The following FHDC1 variants were observed in gnomAD, a reference collection of about 807,000 sequenced individuals.
FHDC1 encodes FH2 domain-containing protein 1.
A neutral mutation model predicts 52.6 loss-of-function variants in FHDC1; 25 were observed. The ratio of observed to expected loss-of-function variants is 0.48; its 90% CI spans 0.35 to 0.66. The LOEUF (loss-of-function observed/expected upper bound fraction) is 0.66, where lower values mean the gene tolerates loss of function less well. Among genes scored for constraint, FHDC1 ranks in the 30% least tolerant of loss-of-function variants. FHDC1 has a pLI of 0.01. For synonymous variants in FHDC1, 616 were observed against 581.5 expected, an observed-to-expected ratio of 1.06 and a Z score of -0.85; for missense variants, 1,459 against 1,452.8, an observed-to-expected ratio of 1.00 and a Z score of -0.07.
chr4:152,976,290 A>G lies in FHDC1; in HGVS notation c.2999A>G (p.Asn1000Ser), dbSNP rs1740879456. The change falls in exon 12 of 12, where the codon AAT becomes AGT. Residue 1000 changes from asparagine to serine, a missense_variant. Transcript: ENST00000511601. Reference protein sequence around the residue: ...RNLPRQKPEENKTCRAHSEGP... With the variant: ...RNLPRQKPEESKTCRAHSEGP... ...CTCCCCAGACAGAAGCCTGAGGAAA[A>G]TAAGACCTGCCGCGCCCACTCCGAG... The G allele has an allele frequency of 6.2e-7, 1 of 1,613,374 alleles. No homozygotes were observed. Among genetic ancestry groups the G allele is most frequent in the South Asian group, 1.1e-5 (1 of 91,078 alleles).
chr4:152,954,748 C>A (rs896190726), intron 4 of FHDC1, among the ~76,000 whole-genome samples: 1 of 152,024 alleles, frequency 6.6e-6, no homozygotes, highest in Non-Finnish European at 1.5e-5. Context: ...CACTCTCCTA[C>A]CCAGAGCCAG....
chr4:152,927,185 C>G, the FHDC1 span, among the ~76,000 whole-genome samples: 1 of 152,266 alleles, frequency 6.6e-6, no homozygotes, highest in Non-Finnish European at 1.5e-5. Context: ...AACTTTAGAT[C>G]TCGACCAAGT....
intron 8 of FHDC1, 40 bp downstream of exon 8, chr4:152,963,170 T>A: frequency 1.3e-6 from 2 of 1,556,922 alleles, no homozygotes; most frequent in Non-Finnish European, 1.8e-6. Context: ...CGCATATGAA[T>A]ACCCCTTGGA....
At chr4:152,939,939 G>A (rs1010953873) in intron 1 of FHDC1, among the ~76,000 whole-genome samples, 2 of 152,204 alleles carry the variant, frequency 1.3e-5, no homozygotes, top group Non-Finnish European at 2.9e-5. Flanking sequence ...GTCCCTACTG[G>A]CAGTTGTCAG....
chr4:152,969,674 T>G (rs1740578264), intron 10 of FHDC1, among the ~76,000 whole-genome samples: 1 of 151,144 alleles, frequency 6.6e-6, no homozygotes, highest in East Asian at 1.9e-4. Context: ...CGTTTTTTTT[T>G]TTTTTTTTTT....
At position 152,943,698 on chromosome 4, in the gene FHDC1, G is replaced by A. The variant is rs892343138; in HGVS notation, c.498+143G>A. 60 of 1,011,070 alleles carry A rather than the reference G, an allele frequency of 5.9e-5. 1 individual carries two copies. The highest frequency in any genetic ancestry group is 5.8e-4 in the South Asian group (34 of 58,452). 62.6% of individuals were successfully genotyped at this position (1,011,070 alleles called of 1,614,324 possible). On this transcript the variant is annotated intron_variant, in intron 2 of 11. Transcript: ENST00000511601. ...ATCTGCCTTGGAAATGCTAGGCAGG[G>A]TCTTTACGATGAGCTTGAGCTGAGT...
Position 152,974,846 on chromosome 4 carries a change from C to T in FHDC1, c.1555C>T (p.Leu519=), listed in dbSNP as rs1160992555. Residue 519 remains leucine (L), a synonymous_variant, in exon 12 of 12, where the codon CTG becomes TTG. Transcript: ENST00000511601. ...GGGTGCAGAGGGCCTGCTCCCTTTCCTGCACCCCAGGCCCATCAGCCCCTC... is the reference window on the plus strand; with the variant it reads ...GGGTGCAGAGGGCCTGCTCCCTTTCTTGCACCCCAGGCCCATCAGCCCCTC... ...KKGAEGLLPF[L]HPRPISPSSP... is the part of the protein sequence containing the mutation. The T allele has an allele frequency of 3.1e-6, 5 of 1,600,742 alleles. No homozygotes were observed. The South Asian group carries it at 4.4e-5, about 14-fold the overall frequency.
chr4:152,943,786 T>C (rs1739649332), intron 2 of FHDC1, among the ~76,000 whole-genome samples: 1 of 152,204 alleles, frequency 6.6e-6, no homozygotes, highest in South Asian at 2.1e-4. Context: ...GATTATGACC[T>C]CATGCAGAGA....
In FHDC1 at chr4:152,960,767, T is replaced by C; in HGVS notation, c.773T>C (p.Met258Thr). The change falls in exon 6 of 12, where the codon ATG (methionine) becomes ACG (threonine). Residue 258 changes from methionine to threonine, a missense_variant. Transcript: ENST00000511601. ...VPNYSLRIEA[M>T]VLKKEFLPSC... The stretch of plus-strand genomic sequence containing the variant: ...AGCTATTCACTTCGGATTGAAGCCA[T>C]GGTGCTAAAGAAGGAATTTCTACCT... The C allele has an allele frequency of 3.7e-6, 6 of 1,613,374 alleles. No homozygotes were observed. The highest frequency in any genetic ancestry group is 5.1e-6 in the Non-Finnish European group (6 of 1,179,864).
the FHDC1 span, among the ~76,000 whole-genome samples, chr4:152,915,458 T>G: frequency 6.6e-6 from 1 of 152,244 alleles, no homozygotes; most frequent in Non-Finnish European, 1.5e-5. Flanking sequence ...TATAAAAATT[T>G]GTTTTTTTGA....
At chr4:152,934,513 G>C (rs993838273), upstream of FHDC1, among the ~76,000 whole-genome samples, 3 of 152,150 alleles carry the variant, frequency 2.0e-5, no homozygotes, top group Non-Finnish European at 4.4e-5. Flanking sequence ...TACATGTCTA[G>C]TATTATGTTT....
rs1477545213 is a variant in FHDC1, at chr4:152,943,279, T to G, written c.222T>G (p.Pro74=). 4.4e-6 allele frequency: 2 copies of G among 454,976 alleles called. No homozygotes were observed. Among genetic ancestry groups the G allele is most frequent in the African/African-American group, 8.5e-5 (1 of 11,774 alleles). 28.2% of individuals were successfully genotyped at this position (454,976 alleles called of 1,614,324 possible). The change falls in exon 2 of 12, where the codon CCT becomes CCG. Residue 74 remains proline (P), a synonymous_variant. Coordinates refer to ENST00000511601, the MANE Select transcript of FHDC1 (RefSeq NM_001371116.1). Reference sequence around the variant, plus strand: ...TTCCTGGGGAGCCTCCCATCCCACCTCCCCCACCAGGCCTACCCCCAACTA... The same window carrying G: ...TTCCTGGGGAGCCTCCCATCCCACCGCCCCCACCAGGCCTACCCCCAACTA... ...PPLPGEPPIP[P]PPPGLPPTTH...
upstream of FHDC1, among the ~76,000 whole-genome samples, chr4:152,932,401 CA>C (rs58456339): frequency 0.039 from 5,625 of 145,152 alleles, 151 homozygotes; most frequent in East Asian, 0.08. Context: ...GACTCTATCT[CA>C]AAAAAAAAAA....
At position 152,943,181 on chromosome 4, in the gene FHDC1, C is replaced by A. The variant is rs147179268; in HGVS notation, c.124C>A (p.Pro42Thr). ...PAPPPPPPPPPPSPPCSCSRE... is the reference protein window; with the variant it reads ...PAPPPPPPPPTPSPPCSCSRE... ...ACCTCCTCCACCTCCTCCTCCACCC[C>A]CTCCATCTCCACCATGTTCATGTTC... Residue 42 changes from proline (P) to threonine (T), a missense_variant, in exon 2 of 12, where the codon CCT (proline) becomes ACT (threonine). By Grantham distance (38) the Pro-to-Thr change is conservative. Around this residue, in one of 3 missense-constraint regions of FHDC1, gnomAD observed 513 missense variants for 581.5 expected, o/e 0.88. Transcript: ENST00000511601. 3.1e-6 allele frequency: 5 copies of A among 1,613,464 alleles called. No homozygotes were observed. The South Asian group carries it at 3.3e-5, about 11-fold the overall frequency.
chr4:152,976,656 C>A lies in FHDC1; in HGVS notation c.3365C>A (p.Ala1122Asp). ...PLKARGAGER[A>D]SLRRKDSSRT... is the part of the protein sequence containing the mutation. ...AAGGCCAGAGGGGCTGGGGAAAGGG[C>A]CTCCCTCCGTCGGAAGGACTCCAGT... Residue 1122 changes from alanine to aspartate, a missense_variant, in exon 12 of 12, where the codon GCC (alanine) becomes GAC (aspartate). Physicochemically the swap from Ala to Asp is moderately radical, Grantham distance 126. This residue lies in a region of FHDC1 where 939 missense variants were observed against 854.5 expected (regional missense o/e 1.10). Transcript: ENST00000511601. The A allele has an allele frequency of 1.9e-6, 3 of 1,583,024 alleles. No homozygotes were observed. The highest frequency in any genetic ancestry group is 2.3e-5 in the East Asian group (1 of 44,056).
In FHDC1 at chr4:152,976,546, T is replaced by G; in HGVS notation, c.3255T>G (p.Thr1085=). The stretch of plus-strand genomic sequence containing the variant: ...ATGCCGCTCCCAAGGACAGCAGCAC[T>G]TTGAGGCGAGCCAGCAGTGCCCGGG... The part of the protein sequence containing the change: ...PEDAAPKDSS[T]LRRASSARAP... The change falls in exon 12 of 12, where the codon ACT becomes ACG. Residue 1085 remains threonine, a synonymous_variant. Transcript: ENST00000511601. 1 of 1,612,928 alleles carries G rather than the reference T, an allele frequency of 6.2e-7. No individual in the cohort carries two copies. Among genetic ancestry groups the G allele is most frequent in the South Asian group, 1.1e-5 (1 of 91,042 alleles).
Position 152,963,769 on chromosome 4 carries a change from G to GTTTTTTTTTTTTTTTTT in FHDC1, c.1029+657_1029+673dup, listed in dbSNP as rs58783965. The stretch of plus-strand genomic sequence containing the variant: ...GGAGTCTGATCCTATCCATTGCTTT[G>GTTTTTTTTTTTTTTTTT]TTTTTTTTTTTTTTTTTTTTTTTTT... On this transcript the variant is annotated intron_variant, in intron 8 of 11. Coordinates refer to ENST00000511601, the MANE Select transcript of FHDC1 (RefSeq NM_001371116.1). 9.7e-5 allele frequency among the ~76,000 whole-genome samples: 5 copies of GTTTTTTTTTTTTTTTTT among 51,802 alleles called. 2 individuals carry two copies. The highest frequency in any genetic ancestry group is 1.3e-4 in the African/African-American group (2 of 15,446). 34.0% of individuals were successfully genotyped at this position (51,802 alleles called of 152,430 possible). A position where few individuals can be genotyped will look rare whatever the true frequency, so the allele number is the denominator to read the frequency against.
the FHDC1 span, chr4:152,927,898 G>A: frequency 2.2e-6 from 3 of 1,377,394 alleles, no homozygotes; most frequent in Non-Finnish European, 3.1e-6. Flanking sequence ...CCCAGGTGAA[G>A]CTGTTGGCAG....
the FHDC1 span, among the ~76,000 whole-genome samples, chr4:152,919,447 G>A: frequency 9.1e-4 from 138 of 152,332 alleles, no homozygotes; most frequent in Admixed American, 9.8e-4. Flanking sequence ...TGGGGAAGAA[G>A]GCATTTTACC....
Sources: gnomAD v4.1 joint callset for allele counts (sites outside exome capture counted in the v4.1 genomes callset) on GRCh38, gnomAD v4.1.1 for gene constraint, gnomAD v4.1.1 regional missense constraint, MANE v1.5 for transcripts, NCBI Gene and HGNC (gene_info 2026-07-23, HGNC 2026-07-21) for gene names.